TMEM196: variants seen among roughly 807,000 people sequenced by gnomAD.
The protein encoded by TMEM196 is transmembrane protein 196.
TMEM196 carries 17 observed loss-of-function variants against 20.0 expected under a neutral mutation model. The ratio of observed to expected loss-of-function variants is 0.85; its 90% confidence interval spans 0.58 to 1.27. The LOEUF (loss-of-function observed/expected upper bound fraction) is 1.27. Among genes scored for constraint, TMEM196 ranks in the 50% most tolerant of loss-of-function variants. The pLI is 0.00. For missense variants in TMEM196, 267 were observed against 223.0 expected (o/e 1.20, Z -1.26); for synonymous variants, 113 against 88.9 (o/e 1.27, Z -1.52).
intron 1 of TMEM196, among the ~76,000 whole-genome samples, chr7:19,751,136 T>C (rs1784945512): frequency 6.6e-6 from 1 of 152,182 alleles, no homozygotes; most frequent in Non-Finnish European, 1.5e-5. Context: ...GAAATATAAA[T>C]GTTGGAAGAG....
At chr7:19,770,294 T>C (rs920479892) in intron 1 of TMEM196, among the ~76,000 whole-genome samples, 2 of 152,204 alleles carry the variant, frequency 1.3e-5, no homozygotes, top group African/African-American at 4.8e-5. Context: ...TTTAAGACAG[T>C]GCTCTGACTC....
At chr7:19,762,638 G>A (rs996294167) in intron 1 of TMEM196, among the ~76,000 whole-genome samples, 3 of 151,952 alleles carry the variant, frequency 2.0e-5, no homozygotes, top group Non-Finnish European at 4.4e-5. Context: ...TATAGCTTAG[G>A]ACAACATTCA....
At chr7:19,732,940 A>C (rs757336026) in intron 1 of TMEM196, among the ~76,000 whole-genome samples, 15 of 152,256 alleles carry the variant, frequency 9.9e-5, no homozygotes, top group Non-Finnish European at 2.1e-4. Context: ...TAGCTAAAAA[A>C]GTAAAGCTGA....
In TMEM196 at chr7:19,772,339, G is replaced by GAAACAAAACA. The variant is rs3030522; in HGVS notation, c.147+201_147+210dup. Among the ~76,000 whole-genome samples the GAAACAAAACA allele has an allele frequency of 2.5e-3, 348 of 138,538 alleles. 1 individual carries two copies. The highest frequency in any genetic ancestry group is 0.023 in the East Asian group (109 of 4,650). The allele number at this position is 138,538 out of a possible 152,430, so 90.9% of individuals were successfully genotyped here. ...TTAATTTGGTCTTAAGCCCAAGTAA[G>GAAACAAAACA]AAACAAAACAAAACAAAACAAAACA... On this transcript the variant is annotated intron_variant, in intron 1 of 4. Coordinates refer to ENST00000405844, the MANE Select transcript of TMEM196 (RefSeq NM_001363562.2).
chr7:19,764,613 T>C (rs1036689408), intron 1 of TMEM196, among the ~76,000 whole-genome samples: 11 of 152,200 alleles, frequency 7.2e-5, no homozygotes, highest in African/African-American at 2.7e-4. Context: ...CTCTTGCTTA[T>C]GCCTTTTATT....
intron 1 of TMEM196, among the ~76,000 whole-genome samples, chr7:19,743,895 A>G (rs1017121202): frequency 1.3e-5 from 2 of 152,204 alleles, no homozygotes; most frequent in African/African-American, 4.8e-5. Flanking sequence ...AAGTAATTAT[A>G]CATTTCTCAT....
chr7:19,724,157 CT>C, intron 4 of TMEM196, 122 bp downstream of exon 4: 1 of 878,968 alleles, frequency 1.1e-6, no homozygotes, highest in Non-Finnish European at 1.8e-6. Context: ...GAAAGCGATA[CT>C]TTGAGAAACA....
At chr7:19,732,956 G>A (rs926996089) in intron 1 of TMEM196, among the ~76,000 whole-genome samples, 4 of 152,202 alleles carry the variant, frequency 2.6e-5, no homozygotes, top group African/African-American at 7.2e-5. Context: ...GCTGATAGCT[G>A]TATGTATGTG....
intron 1 of TMEM196, among the ~76,000 whole-genome samples, chr7:19,748,188 A>G (rs1329892078): frequency 7.0e-6 from 1 of 142,530 alleles, no homozygotes; most frequent in Non-Finnish European, 1.5e-5. Context: ...TTTATAACAA[A>G]GTTTATACAT....
chr7:19,729,447 G>A lies in TMEM196; in HGVS notation c.148-9C>T, dbSNP rs770390998. On this transcript the variant is annotated splice_polypyrimidine_tract_variant and intron_variant, in intron 1 of 4. Coordinates refer to ENST00000405844, the MANE Select transcript of TMEM196 (RefSeq NM_001363562.2). ...ATGCCACAAAGAAGAAACTGAAAAG[G>A]AAAAGAAGAACAATTACTCCTTATC... 5.4e-5 allele frequency: 83 copies of A among 1,549,510 alleles called. No homozygotes were observed. Among genetic ancestry groups the A allele is most frequent in the Admixed American group, 2.4e-4 (12 of 50,908 alleles).
At chr7:19,768,400 T>C (rs1583465190) in intron 1 of TMEM196, among the ~76,000 whole-genome samples, 1 of 152,092 alleles carries the variant, frequency 6.6e-6, no homozygotes, top group South Asian at 2.1e-4. Flanking sequence ...TTTCCAAATC[T>C]CAACCTACAG....
chr7:19,741,836 T>C (rs1433398350), intron 1 of TMEM196, among the ~76,000 whole-genome samples: 1 of 152,166 alleles, frequency 6.6e-6, no homozygotes, highest in Non-Finnish European at 1.5e-5. Context: ...TATATTCCAG[T>C]AGTTGATTCA....
chr7:19,726,459 T>C lies in TMEM196; in HGVS notation c.205-691A>G, dbSNP rs143296352. Among the ~76,000 whole-genome samples the C allele has an allele frequency of 3.4e-3, 523 of 152,344 alleles. 2 individuals carry two copies. Among genetic ancestry groups the C allele is most frequent in the African/African-American group, 0.011 (448 of 41,584 alleles). ...TAAGCAAGTACTTTAGGGACTCCTATGAACTGACCCCTATATATTACAAAT... is the reference window on the plus strand; with the variant it reads ...TAAGCAAGTACTTTAGGGACTCCTACGAACTGACCCCTATATATTACAAAT... On this transcript the variant is annotated intron_variant, in intron 2 of 4. Transcript: ENST00000405844.
At chr7:19,747,209 C>T (rs1277811005) in intron 1 of TMEM196, among the ~76,000 whole-genome samples, 1 of 149,170 alleles carries the variant, frequency 6.7e-6, no homozygotes, top group East Asian at 2.0e-4. Flanking sequence ...TAGCCGAGAT[C>T]GCGCCACTGC....
At chr7:19,761,040 A>T (rs945392999) in intron 1 of TMEM196, among the ~76,000 whole-genome samples, 1 of 152,058 alleles carries the variant, frequency 6.6e-6, no homozygotes, top group African/African-American at 2.4e-5. Flanking sequence ...CTCAACGTTG[A>T]CTTGGCCCCA....
intron 1 of TMEM196, among the ~76,000 whole-genome samples, chr7:19,745,590 C>T (rs1011230478): frequency 7.9e-5 from 12 of 151,524 alleles, no homozygotes; most frequent in Admixed American, 3.3e-4. Flanking sequence ...TTCCATTTAT[C>T]TATTAACACA....
chr7:19,748,124 G>A (rs553884828), intron 1 of TMEM196, among the ~76,000 whole-genome samples: 7 of 151,416 alleles, frequency 4.6e-5, no homozygotes, highest in Admixed American at 2.6e-4. Flanking sequence ...ATTTTCTGGG[G>A]CATTGCTTAC....
chr7:19,725,865 A>C, intron 2 of TMEM196, 97 bp from the exon 3 acceptor site: 1 of 1,392,440 alleles, frequency 7.2e-7, no homozygotes, highest in Non-Finnish European at 9.6e-7. Context: ...TGACTAGCCT[A>C]CAATAAAGAA....
At chr7:19,746,223 C>T (rs1562618111) in intron 1 of TMEM196, among the ~76,000 whole-genome samples, 1 of 152,164 alleles carries the variant, frequency 6.6e-6, no homozygotes, top group East Asian at 1.9e-4. Context: ...ATAGAGCTGT[C>T]CACAACATAG....
Sources: gnomAD v4.1 joint callset for allele counts (sites outside exome capture counted in the v4.1 genomes callset) on GRCh38, gnomAD v4.1.1 for gene constraint, MANE v1.5 for transcripts, NCBI Gene and HGNC (gene_info 2026-07-23, HGNC 2026-07-21) for gene names.